Variants in PCDHGA7 observed in about 807,000 individuals in gnomAD.
PCDHGA7 encodes the protein protocadherin gamma-A7.
A neutral mutation model predicts 58.3 loss-of-function variants in PCDHGA7; 44 were observed. That is an observed-to-expected ratio of 0.75 (90% CI 0.59 to 0.97). The LOEUF is 0.97. Among genes scored for constraint, PCDHGA7 ranks in the 50% least tolerant of loss-of-function variants. The pLI, the probability that PCDHGA7 is intolerant of heterozygous loss-of-function variation, is 0.00. For synonymous variants in PCDHGA7, 516 were observed against 504.2 expected, an observed-to-expected ratio of 1.02 and a Z score of -0.31; for missense variants, 1,266 against 1,188.7, an observed-to-expected ratio of 1.06 and a Z score of -0.96.
chr5:141,454,974 A>AT (rs2098808620), intron 1 of PCDHGA7, among the ~76,000 whole-genome samples: 1 of 151,182 alleles, frequency 6.6e-6, no homozygotes, highest in African/African-American at 2.4e-5. Context: ...CGCCTGGCTA[A>AT]TTTTTTAAAA....
At chr5:141,424,762 A>T (rs1002777641) in intron 1 of PCDHGA7, 8 of 152,124 alleles carry the variant, frequency 5.3e-5, no homozygotes, top group African/African-American at 1.9e-4. Context: ...GGTCATTCTT[A>T]TGGCAAATAG....
intron 1 of PCDHGA7, among the ~76,000 whole-genome samples, chr5:141,475,518 T>C (rs963473660): frequency 1.3e-5 from 2 of 152,356 alleles, no homozygotes; most frequent in East Asian, 1.9e-4. Flanking sequence ...TCCACGGAAA[T>C]GCTAAATGCC....
In PCDHGA7 at chr5:141,477,442, A is replaced by G; in HGVS notation, c.2425-17365A>G. The G allele has an allele frequency of 6.2e-7, 1 of 1,614,132 alleles. No individual in the cohort carries two copies. Among genetic ancestry groups the G allele is most frequent in the Non-Finnish European group, 8.5e-7 (1 of 1,180,022 alleles). ...CCCCTTCCCTCTCAGCCCTTACAAT[A>G]GTGCGTGTTCAAGTGTCCGACATCA... On this transcript the variant is annotated intron_variant, in intron 1 of 3. Coordinates refer to ENST00000518325, the MANE Select transcript of PCDHGA7 (RefSeq NM_018920.4). This position sits in a 1 kb window ranked among gnomAD's most constrained non-coding sequence, Gnocchi z 4.9.
rs1224625072 is a variant in PCDHGA7 at position 141,490,972 on chromosome 5, C to A, written c.2425-3835C>A. On this transcript the variant is annotated intron_variant, in intron 1 of 3. Transcript: ENST00000518325. The surrounding 1 kb of genome is among the most constrained non-coding windows in gnomAD (Gnocchi z 5.4). ...AGACTGGGAACACTCAGCCCCCCAG[C>A]GTCTCCCTCGCTCTGCTCCTCCTGG... is the stretch of plus-strand genomic sequence containing the variant. 2 of 1,613,912 alleles carry A rather than the reference C, an allele frequency of 1.2e-6. No individual in the cohort carries two copies. Among genetic ancestry groups the A allele is most frequent in the Non-Finnish European group, 1.7e-6 (2 of 1,179,922 alleles).
Position 141,477,016 on chromosome 5 carries a change from A to G in PCDHGA7, c.2425-17791A>G, listed in dbSNP as rs2099403497. Reference sequence around the variant, plus strand: ...GGCAACTATTCGCCTTAGACCTTGTAACCGGGATGCTGACAATCAAGGGTC... The same window carrying G: ...GGCAACTATTCGCCTTAGACCTTGTGACCGGGATGCTGACAATCAAGGGTC... On this transcript the variant is annotated intron_variant, in intron 1 of 3. Transcript: ENST00000518325. The surrounding 1 kb of genome is among the most constrained non-coding windows in gnomAD (Gnocchi z 4.9). 4.3e-6 allele frequency: 7 copies of G among 1,614,130 alleles called. No homozygotes were observed. The highest frequency in any genetic ancestry group is 5.9e-6 in the Non-Finnish European group (7 of 1,180,050).
chr5:141,392,862 T>C (rs1334405895), intron 1 of PCDHGA7: 2 of 1,612,696 alleles, frequency 1.2e-6, no homozygotes, highest in Non-Finnish European at 1.7e-6. Flanking sequence ...GATCCTGCTG[T>C]GCGCGCTGCT....
In PCDHGA7 at chr5:141,422,020, G is replaced by T. The variant is rs374562798; in HGVS notation, c.2424+36697G>T. The T allele has an allele frequency of 1.3e-5, 21 of 1,610,932 alleles. No individual in the cohort carries two copies. The East Asian group carries it at 3.8e-4, about 29-fold the overall frequency. On this transcript the variant is annotated intron_variant, in intron 1 of 3. Transcript: ENST00000518325. ...CAGCTCCGGAACTCGGGTGCTGATG[G>T]TTAATGCAACGGATCCAGACGAGGG...
At chr5:141,494,355 G>T (rs910437011) in intron 1 of PCDHGA7, among the ~76,000 whole-genome samples, 4 of 152,234 alleles carry the variant, frequency 2.6e-5, no homozygotes, top group African/African-American at 9.6e-5. Flanking sequence ...CCATCTTGCT[G>T]CAGAGGATGC....
intron 1 of PCDHGA7, chr5:141,427,842 C>T: frequency 6.5e-7 from 1 of 1,549,268 alleles, no homozygotes. Flanking sequence ...TGCCTTCGAC[C>T]ACGAGCAGCT....
intron 1 of PCDHGA7, among the ~76,000 whole-genome samples, chr5:141,473,033 G>A (rs1199215390): frequency 1.4e-5 from 2 of 146,282 alleles, no homozygotes. Flanking sequence ...AAGGAAGGAA[G>A]GAAAGAAAGA....
chr5:141,419,007 GGT>G (rs1181124538), intron 1 of PCDHGA7: 1 of 1,613,978 alleles, frequency 6.2e-7, no homozygotes, highest in South Asian at 1.1e-5. Flanking sequence ...GGGGAAGTCA[GGT>G]GTAGCTTAAG....
At position 141,491,456 on chromosome 5, in the gene PCDHGA7, C is replaced by G; in HGVS notation, c.2425-3351C>G. On this transcript the variant is annotated intron_variant, in intron 1 of 3. Transcript: ENST00000518325. The surrounding 1 kb of genome is among the most constrained non-coding windows in gnomAD (Gnocchi z 6.9). Reference sequence around the variant, plus strand: ...TGCAGGCGCCAGGACTCACCCTCCCCGGACTTCTATAAGCAGTCCAGCCCC... The same window carrying G: ...TGCAGGCGCCAGGACTCACCCTCCCGGGACTTCTATAAGCAGTCCAGCCCC... 1 of 1,614,104 alleles carries G rather than the reference C, an allele frequency of 6.2e-7. No homozygotes were observed. The highest frequency in any genetic ancestry group is 8.5e-7 in the Non-Finnish European group (1 of 1,180,010).
At chr5:141,433,326 A>G in intron 1 of PCDHGA7, 1 of 726,596 alleles carries the variant, frequency 1.4e-6, no homozygotes. Context: ...CCGGTGTAAC[A>G]GGGACTACAG....
chr5:141,421,904 C>T (rs1561797509), intron 1 of PCDHGA7: 1 of 1,613,734 alleles, frequency 6.2e-7, no homozygotes, highest in Admixed American at 1.7e-5. Flanking sequence ...CGAAAGGGCG[C>T]AGTTCCCATT....
At chr5:141,418,124 C>A (rs762154093) in intron 1 of PCDHGA7, 33 of 1,613,836 alleles carry the variant, frequency 2.0e-5, no homozygotes, top group East Asian at 1.3e-4. Flanking sequence ...TGTGAAGGAC[C>A]GAATAGACCG....
At chr5:141,425,491 C>G (rs1243033082) in intron 1 of PCDHGA7, among the ~76,000 whole-genome samples, 1 of 152,200 alleles carries the variant, frequency 6.6e-6, no homozygotes, top group Non-Finnish European at 1.5e-5. Context: ...ACCTACTAGG[C>G]TATACCTTTA....
intron 1 of PCDHGA7, chr5:141,430,556 C>A (rs1479639096): frequency 9.7e-6 from 4 of 413,394 alleles, no homozygotes; most frequent in African/African-American, 2.1e-5. Flanking sequence ...GTTCACCAAT[C>A]GGGGAGAGAA....
intron 1 of PCDHGA7, chr5:141,422,846 A>T: frequency 2.5e-6 from 4 of 1,614,102 alleles, no homozygotes; most frequent in Non-Finnish European, 3.4e-6. Flanking sequence ...GACAGCGGGG[A>T]CCCGCCCCTC....
At position 141,420,872 on chromosome 5, in the gene PCDHGA7, G is replaced by A. The variant is rs575322685; in HGVS notation, c.2424+35549G>A. 3.3e-5 allele frequency among the ~76,000 whole-genome samples: 5 copies of A among 152,328 alleles called. No homozygotes were observed. The East Asian group carries it at 7.7e-4, about 24-fold the overall frequency. On this transcript the variant is annotated intron_variant, in intron 1 of 3. Coordinates refer to ENST00000518325, the MANE Select transcript of PCDHGA7 (RefSeq NM_018920.4). ...AAAGTTTTAACGTCACATAATGTAA[G>A]TATTGTGTATCATCGTTTTTAAGCT...
Sources: gnomAD v4.1 joint callset for allele counts (sites outside exome capture counted in the v4.1 genomes callset) on GRCh38, gnomAD v4.1.1 for gene constraint, Gnocchi (gnomAD v3.1) non-coding constraint, MANE v1.5 for transcripts, NCBI Gene and HGNC (gene_info 2026-07-23, HGNC 2026-07-21) for gene names.